Variants in APOM observed in about 807,000 individuals in gnomAD.
The protein encoded by APOM is NG20-like protein.
In APOM, 24 loss-of-function variants were observed where a neutral mutation model predicts 23.5. That is an observed-to-expected ratio of 1.02 (90% CI 0.74 to 1.44). The LOEUF (loss-of-function observed/expected upper bound fraction) is 1.44, where lower values mean the gene tolerates loss of function less well. Ranked by LOEUF, APOM falls within the 40% of genes most tolerant of loss-of-function variation. The pLI is 0.00. For synonymous variants in APOM, 82 were observed against 84.1 expected (o/e 0.97, Z 0.14); for missense variants, 200 against 233.2 (o/e 0.86, Z 0.93).
At chr6:31,656,873 G>C (rs1165441956) in intron 2 of APOM, among the ~76,000 whole-genome samples, 1 of 152,190 alleles carries the variant, frequency 6.6e-6, no homozygotes, top group Non-Finnish European at 1.5e-5. Context: ...CAGGCCAGAC[G>C]TGGTGGCTCA....
chr6:31,656,634 G>T lies in APOM; in HGVS notation c.269+8G>T, dbSNP rs747954304. The T allele has an allele frequency of 1.9e-6, 3 of 1,612,696 alleles. No homozygotes were observed. Among genetic ancestry groups the T allele is most frequent in the Non-Finnish European group, 2.5e-6 (3 of 1,179,254 alleles). Reference sequence around the variant, plus strand: ...TCGTGCTACCATCCGCATGTGAGTGGTAAGGAGGCAGAAGCATCACTGGGT... The same window carrying T: ...TCGTGCTACCATCCGCATGTGAGTGTTAAGGAGGCAGAAGCATCACTGGGT... On this transcript the variant is annotated splice_region_variant and intron_variant, in intron 2 of 5. Transcript: ENST00000375916.
Position 31,656,153 on chromosome 6 carries a change from G to T in APOM, c.114+73G>T, listed in dbSNP as rs538044384. 1.3e-3 allele frequency: 1,582 copies of T among 1,221,848 alleles called. 6 individuals carry two copies. The highest frequency in any genetic ancestry group is 1.6e-3 in the Non-Finnish European group (1,345 of 855,888). 75.7% of individuals were successfully genotyped at this position (1,221,848 alleles called of 1,614,324 possible). A position where few individuals can be genotyped will look rare whatever the true frequency, so the allele number is the denominator to read the frequency against. ...TTGGGTGGATGGCCTAGGATGACTG[G>T]AGACCATCTTGGGAAAGGAAGAGAG... On this transcript the variant is annotated intron_variant, in intron 1 of 5. Transcript: ENST00000375916.
chr6:31,653,140 C>T (rs189623518), upstream of APOM, among the ~76,000 whole-genome samples: 622 of 152,184 alleles, frequency 4.1e-3, 5 homozygotes, highest in African/African-American at 0.014. Context: ...GGACATGACA[C>T]GTTTTAGGAA....
In APOM at chr6:31,657,691, C is replaced by T. The variant is rs1800275193; in HGVS notation, c.509C>T (p.Ser170Phe). The T allele has an allele frequency of 6.2e-7, 1 of 1,613,024 alleles. No individual in the cohort carries two copies. Among genetic ancestry groups the T allele is most frequent in the South Asian group, 1.1e-5 (1 of 91,086 alleles). ...AAGTCCCTGACTTCCTGCCTGGACTCCAAAGCCTTCTTATTGACTCCTAGG... is the reference window on the plus strand; with the variant it reads ...AAGTCCCTGACTTCCTGCCTGGACTTCAAAGCCTTCTTATTGACTCCTAGG... ...EFKSLTSCLD[S>F]KAFLLTPRNQ... is the part of the protein sequence containing the mutation. Residue 170 changes from serine (S) to phenylalanine (F), a missense_variant, in exon 5 of 6, where the codon TCC (serine) becomes TTC (phenylalanine). Coordinates refer to ENST00000375916, the MANE Select transcript of APOM (RefSeq NM_019101.3).
At chr6:31,656,751 C>A in intron 2 of APOM, 125 bp downstream of exon 2, 1 of 1,227,934 alleles carries the variant, frequency 8.1e-7, no homozygotes, top group Non-Finnish European at 1.1e-6. Context: ...AATTCAGTGG[C>A]TGTATTAATT....
chr6:31,655,870 G>A (rs747879312), upstream of APOM: 1 of 775,224 alleles, frequency 1.3e-6, no homozygotes, highest in Non-Finnish European at 2.2e-6. Context: ...AGGGTCAAGG[G>A]TCGAACGCAA....
chr6:31,652,648 C>G (rs1410166763), upstream of APOM: 1 of 152,586 alleles, frequency 6.6e-6, no homozygotes, highest in Non-Finnish European at 1.5e-5. Flanking sequence ...GGGGACCGTA[C>G]TACGCCTGCG....
chr6:31,653,941 G>A (rs1043997645), upstream of APOM, among the ~76,000 whole-genome samples: 1 of 152,228 alleles, frequency 6.6e-6, no homozygotes, highest in South Asian at 2.1e-4. Flanking sequence ...GTGAGCTACT[G>A]TGCCTAACCA....
upstream of APOM, among the ~76,000 whole-genome samples, chr6:31,655,150 A>G (rs1020008120): frequency 6.6e-6 from 1 of 152,210 alleles, no homozygotes; most frequent in Non-Finnish European, 1.5e-5. Flanking sequence ...CATGTAGCCC[A>G]GGCTGGTTTT....
chr6:31,657,246 C>T lies in APOM; in HGVS notation c.291C>T (p.Pro97=), dbSNP rs1444370457. ...GCAGGAAAGATGGGCTCTGTGTGCCCCGGAAATGGATCTACCACCTGACTG... is the reference window on the plus strand; with the variant it reads ...GCAGGAAAGATGGGCTCTGTGTGCCTCGGAAATGGATCTACCACCTGACTG... The part of the protein sequence containing the change: ...TIRMKDGLCV[P]RKWIYHLTEG... Residue 97 remains proline (P), a synonymous_variant, in exon 3 of 6, where the codon CCC becomes CCT. Transcript: ENST00000375916. 2 of 1,612,914 alleles carry T rather than the reference C, an allele frequency of 1.2e-6. No individual in the cohort carries two copies. Among genetic ancestry groups the T allele is most frequent in the Non-Finnish European group, 1.7e-6 (2 of 1,180,028 alleles).
upstream of APOM, chr6:31,655,876 C>T (rs879872032): frequency 1.1e-5 from 9 of 833,546 alleles, no homozygotes; most frequent in Admixed American, 2.2e-5. Context: ...AAGGGTCGAA[C>T]GCAAGGGAGC....
Position 31,655,986 on chromosome 6 carries a change from C to T in APOM, c.20C>T (p.Ala7Val). The T allele has an allele frequency of 6.3e-7, 1 of 1,599,250 alleles. No homozygotes were observed. Residue 7 changes from alanine to valine, a missense_variant, in exon 1 of 6, where the codon GCA becomes GTA. Transcript: ENST00000375916. ...CTGAAGATGTTCCACCAAATTTGGG[C>T]AGCTCTGCTCTACTTCTATGGTATT... is the stretch of plus-strand genomic sequence containing the variant. MFHQIW[A>V]ALLYFYGIIL...
Position 31,656,516 on chromosome 6 carries a change from A to G in APOM, c.159A>G (p.Ala53=). 6.2e-7 allele frequency: 1 copy of G among 1,614,056 alleles called. No homozygotes were observed. The highest frequency in any genetic ancestry group is 8.5e-7 in the Non-Finnish European group (1 of 1,180,008). ...HLGQWYFIAG[A]APTKEELATF... ...GCCAGTGGTACTTTATCGCAGGGGC[A>G]GCTCCCACCAAGGAGGAGTTGGCAA... Residue 53 remains alanine, a synonymous_variant, in exon 2 of 6, where the codon GCA becomes GCG. Transcript: ENST00000375916.
At chr6:31,656,307 G>A (rs1360670898) in intron 1 of APOM, among the ~76,000 whole-genome samples, 165 bp from the exon 2 acceptor site, 1 of 152,100 alleles carries the variant, frequency 6.6e-6, no homozygotes, top group Non-Finnish European at 1.5e-5. Flanking sequence ...GGGGCAAAGA[G>A]GAAAAGTCAT....
chr6:31,654,886 T>C (rs1799867516), upstream of APOM, among the ~76,000 whole-genome samples: 1 of 152,234 alleles, frequency 6.6e-6, no homozygotes, highest in South Asian at 2.1e-4. Context: ...TTTAATCCTA[T>C]AAGATTGATG....
In APOM at chr6:31,656,004, A is replaced by C; in HGVS notation, c.38A>C (p.Tyr13Ser). The stretch of plus-strand genomic sequence containing the variant: ...ATTTGGGCAGCTCTGCTCTACTTCT[A>C]TGGTATTATCCTTAACTCCATCTAC... The part of the protein sequence containing the change: ...HQIWAALLYF[Y>S]GIILNSIYQC... Residue 13 changes from tyrosine (Y) to serine (S), a missense_variant, in exon 1 of 6, where the codon TAT (tyrosine) becomes TCT (serine). Coordinates refer to ENST00000375916, the MANE Select transcript of APOM (RefSeq NM_019101.3). 1 of 1,601,372 alleles carries C rather than the reference A, an allele frequency of 6.2e-7. No individual in the cohort carries two copies. Among genetic ancestry groups the C allele is most frequent in the South Asian group, 1.1e-5 (1 of 88,858 alleles).
At chr6:31,657,520 G>A (rs1407769968) in intron 4 of APOM, 42 bp downstream of exon 4, 1 of 1,608,520 alleles carries the variant, frequency 6.2e-7, no homozygotes, top group Non-Finnish European at 8.5e-7. Context: ...AGGGAAACAA[G>A]GGAGGGCAGG....
In APOM at chr6:31,657,368, C is replaced by G. The variant is rs756249928; in HGVS notation, c.344-12C>G. 3.1e-6 allele frequency: 5 copies of G among 1,613,066 alleles called. No homozygotes were observed. In the South Asian group the frequency reaches 4.4e-5, roughly 14 times the overall value. On this transcript the variant is annotated splice_polypyrimidine_tract_variant and intron_variant, in intron 3 of 5. Transcript: ENST00000375916. The stretch of plus-strand genomic sequence containing the variant: ...ATCTCTGTTCTCATACTTCTCCCAC[C>G]TGCCTTGACAGGCCGCCCTGACATG...
upstream of APOM, among the ~76,000 whole-genome samples, chr6:31,654,245 CAAA>C (rs34260741): frequency 1.2e-4 from 12 of 99,104 alleles, no homozygotes; most frequent in East Asian, 5.8e-4. Context: ...ACTCCCATCT[CAAA>C]AAAAAAAAAA....
Sources: gnomAD v4.1 joint callset for allele counts (sites outside exome capture counted in the v4.1 genomes callset) on GRCh38, gnomAD v4.1.1 for gene constraint, MANE v1.5 for transcripts, NCBI Gene and HGNC (gene_info 2026-07-23, HGNC 2026-07-21) for gene names.